The following RIN3 variants were observed in gnomAD, a reference collection of about 807,000 sequenced individuals.
RIN3 encodes the protein RAB5 interacting protein 3.
In RIN3, 54 loss-of-function variants were observed where a neutral mutation model predicts 76.3. That is an observed-to-expected ratio of 0.71 (90% CI 0.57 to 0.89). The LOEUF (loss-of-function observed/expected upper bound fraction) is 0.89, where lower values mean the gene tolerates loss of function less well. Ranked by LOEUF, RIN3 falls within the 40% of genes least tolerant of loss-of-function variation. The pLI, the probability that RIN3 is intolerant of heterozygous loss-of-function variation, is 0.00. For missense variants in RIN3, 1,256 were observed against 1,322.1 expected (o/e 0.95, Z 0.78); for synonymous variants, 576 against 564.0 (o/e 1.02, Z -0.30).
rs1043995692 is a variant in RIN3 at position 92,564,031 on chromosome 14, T to C, written c.249+8076T>C. Among the ~76,000 whole-genome samples the C allele has an allele frequency of 3.3e-5, 5 of 152,330 alleles. No homozygotes were observed. In the South Asian group the frequency reaches 6.2e-4, roughly 19 times the overall value. ...TCTGCAGGCACAACCCCTGTGGACA[T>C]AGCCTCTCAGAAGAGCCAGACACTT... is the stretch of plus-strand genomic sequence containing the variant. On this transcript the variant is annotated intron_variant, in intron 2 of 9. Coordinates refer to ENST00000216487, the MANE Select transcript of RIN3 (RefSeq NM_024832.5).
chr14:92,547,049 TA>T, intron 1 of RIN3, among the ~76,000 whole-genome samples: 3 of 123,288 alleles, frequency 2.4e-5, no homozygotes, highest in Non-Finnish European at 3.6e-5. Flanking sequence ...TATTTTATTA[TA>T]ATAAAATAAA....
chr14:92,688,435 G>A lies in RIN3; in HGVS notation c.*183G>A. On this transcript the variant is annotated 3_prime_UTR_variant, in exon 10 of 10. Coordinates refer to ENST00000216487, the MANE Select transcript of RIN3 (RefSeq NM_024832.5). Reference sequence around the variant, plus strand: ...GCTCGTCCAAGGCCACTTCCTGAGGGCAAGTCCTAATAGCCCTGAGACACC... The same window carrying A: ...GCTCGTCCAAGGCCACTTCCTGAGGACAAGTCCTAATAGCCCTGAGACACC... The A allele has an allele frequency of 1.6e-6, 1 of 612,072 alleles. No individual in the cohort carries two copies. The highest frequency in any genetic ancestry group is 2.8e-6 in the Non-Finnish European group (1 of 354,560). The allele number at this position is 612,072 out of a possible 1,614,324, so 37.9% of individuals were successfully genotyped here.
intron 1 of RIN3, among the ~76,000 whole-genome samples, chr14:92,531,133 A>G (rs1356138611): frequency 6.6e-6 from 1 of 152,144 alleles, no homozygotes; most frequent in Non-Finnish European, 1.5e-5. Flanking sequence ...CTACTGTAAC[A>G]AAATAGCACC....
chr14:92,623,669 G>C lies in RIN3; in HGVS notation c.440+8190G>C, dbSNP rs1353223953. Among the ~76,000 whole-genome samples the C allele has an allele frequency of 6.6e-6, 1 of 152,158 alleles. No individual in the cohort carries two copies. The highest frequency in any genetic ancestry group is 1.5e-5 in the Non-Finnish European group (1 of 68,028). On this transcript the variant is annotated intron_variant, in intron 4 of 9. Transcript: ENST00000216487. This position sits in a 1 kb window ranked among gnomAD's most constrained non-coding sequence, Gnocchi z 4.9. ...GAAAGGGATGGCCAATTGAATTAGAGCACAAGTACCACTCCAGTTACTTGG... is the reference window on the plus strand; with the variant it reads ...GAAAGGGATGGCCAATTGAATTAGACCACAAGTACCACTCCAGTTACTTGG...
rs371590295 is a variant in RIN3 at position 92,557,773 on chromosome 14, C to A, written c.249+1818C>A. Among the ~76,000 whole-genome samples the A allele has an allele frequency of 6.9e-4, 105 of 152,336 alleles. 1 individual carries two copies. Among genetic ancestry groups the A allele is most frequent in the African/African-American group, 2.4e-3 (99 of 41,578 alleles). ...CCTGCCAGTGGGTGTTCAGCCAGCA[C>A]CCTCTGTGGTCCCCAGTTCCCCTGG... On this transcript the variant is annotated intron_variant, in intron 2 of 9. Transcript: ENST00000216487.
rs1886255583 is a variant in RIN3 at position 92,623,586 on chromosome 14, C to A, written c.440+8107C>A. On this transcript the variant is annotated intron_variant, in intron 4 of 9. Coordinates refer to ENST00000216487, the MANE Select transcript of RIN3 (RefSeq NM_024832.5). The surrounding 1 kb of genome is among the most constrained non-coding windows in gnomAD (Gnocchi z 4.9). ...TGAGAGTCGAAAGATCCTTGAGGGG[C>A]CTCTCTTGTTTTACGGCGTTGTGGT... Among the ~76,000 whole-genome samples the A allele has an allele frequency of 6.6e-6, 1 of 152,112 alleles. No homozygotes were observed. The highest frequency in any genetic ancestry group is 2.1e-4 in the South Asian group (1 of 4,812).
At chr14:92,518,409 G>A (rs928875970) in intron 1 of RIN3, among the ~76,000 whole-genome samples, 43 of 152,170 alleles carry the variant, frequency 2.8e-4, no homozygotes, top group African/African-American at 1.0e-3. Context: ...TTACAAGGTG[G>A]CCTAGATCAC....
chr14:92,639,155 C>T (rs1353403347), intron 4 of RIN3, among the ~76,000 whole-genome samples: 1 of 152,244 alleles, frequency 6.6e-6, no homozygotes, highest in Non-Finnish European at 1.5e-5. Context: ...GAAGGCAGCC[C>T]AGACCCGTTC....
At chr14:92,551,579 C>T (rs1199388052) in intron 1 of RIN3, among the ~76,000 whole-genome samples, 1 of 152,216 alleles carries the variant, frequency 6.6e-6, no homozygotes, top group Non-Finnish European at 1.5e-5. Flanking sequence ...AGTACACTAG[C>T]ATTCTGATTA....
At chr14:92,610,114 G>A (rs1039082020) in intron 3 of RIN3, among the ~76,000 whole-genome samples, 1 of 152,072 alleles carries the variant, frequency 6.6e-6, no homozygotes, top group Non-Finnish European at 1.5e-5. Context: ...TCACAGAGTT[G>A]TGCAACCATC....
intron 1 of RIN3, among the ~76,000 whole-genome samples, chr14:92,555,426 T>C (rs1321813083): frequency 6.6e-6 from 1 of 152,150 alleles, no homozygotes; most frequent in Admixed American, 6.5e-5. Flanking sequence ...CTGTTGACAG[T>C]TCTGTCCGGT....
chr14:92,524,198 C>CA (rs1307072385), intron 1 of RIN3, among the ~76,000 whole-genome samples: 1 of 152,004 alleles, frequency 6.6e-6, no homozygotes, highest in Non-Finnish European at 1.5e-5. Flanking sequence ...TGTCTGTATC[C>CA]AAAAAACTAA....
At chr14:92,554,478 G>A (rs1354133263) in intron 1 of RIN3, among the ~76,000 whole-genome samples, 1 of 152,160 alleles carries the variant, frequency 6.6e-6, no homozygotes, top group African/African-American at 2.4e-5. Flanking sequence ...ACTGGGAAGG[G>A]GTAAGAAGGA....
chr14:92,688,290 C>T lies in RIN3; in HGVS notation c.*38C>T, dbSNP rs1185826743. ...GCGCCTCCCCTCACCCCCAGGCGCA[C>T]GTCTGGCCCCGCCTCTGGCTGCGCA... On this transcript the variant is annotated 3_prime_UTR_variant, in exon 10 of 10. Coordinates refer to ENST00000216487, the MANE Select transcript of RIN3 (RefSeq NM_024832.5). 4.1e-6 allele frequency: 6 copies of T among 1,480,820 alleles called. No homozygotes were observed. Among genetic ancestry groups the T allele is most frequent in the Non-Finnish European group, 4.5e-6 (5 of 1,114,292 alleles). The allele number at this position is 1,480,820 out of a possible 1,614,324, so 91.7% of individuals were successfully genotyped here.
At chr14:92,585,293 A>G (rs1455037409) in intron 3 of RIN3, among the ~76,000 whole-genome samples, 1 of 152,178 alleles carries the variant, frequency 6.6e-6, no homozygotes, top group Non-Finnish European at 1.5e-5. Flanking sequence ...ATCTCTTTCT[A>G]GGATAATGGG....
rs970881340 is a variant in RIN3, at chr14:92,576,956, A to G, written c.250-404A>G. On this transcript the variant is annotated intron_variant, in intron 2 of 9. Transcript: ENST00000216487. ...TTGAAATTCAACCTGACTCCTGTAC[A>G]TTAGAGCTTTTCTGAGTGTAGACTC... 4.6e-5 allele frequency among the ~76,000 whole-genome samples: 7 copies of G among 152,276 alleles called. No homozygotes were observed. In the East Asian group the frequency reaches 1.2e-3, roughly 25 times the overall value.
intron 3 of RIN3, among the ~76,000 whole-genome samples, chr14:92,609,439 G>T (rs1366026875): frequency 6.6e-6 from 1 of 152,236 alleles, no homozygotes. Context: ...AGACGGTTTG[G>T]ACAGGGTCTG....
chr14:92,660,376 G>A (rs1303999543), intron 7 of RIN3, among the ~76,000 whole-genome samples: 1 of 152,196 alleles, frequency 6.6e-6, no homozygotes. Flanking sequence ...CATGCTGGGT[G>A]GTTGGTTGGC....
intron 1 of RIN3, among the ~76,000 whole-genome samples, chr14:92,528,218 C>T (rs539787931): frequency 3.3e-4 from 50 of 151,818 alleles, no homozygotes; most frequent in African/African-American, 1.1e-3. Flanking sequence ...CCCGTGGGGG[C>T]GGGGAGGCCG....
Sources: gnomAD v4.1 joint callset for allele counts (sites outside exome capture counted in the v4.1 genomes callset) on GRCh38, gnomAD v4.1.1 for gene constraint, Gnocchi (gnomAD v3.1) non-coding constraint, MANE v1.5 for transcripts, NCBI Gene and HGNC (gene_info 2026-07-23, HGNC 2026-07-21) for gene names.